The following PARPBP variants were observed in gnomAD, a reference collection of about 807,000 sequenced individuals.
The protein encoded by PARPBP is PARP1 binding protein.
A neutral mutation model predicts 50.0 loss-of-function variants in PARPBP; 52 were observed. The ratio of observed to expected loss-of-function variants is 1.04; its 90% CI spans 0.83 to 1.31. The LOEUF (loss-of-function observed/expected upper bound fraction) is 1.31, where lower values mean the gene tolerates loss of function less well. Ranked by LOEUF, PARPBP falls within the 50% of genes most tolerant of loss-of-function variation. The probability of loss-of-function intolerance (pLI) is 0.00; values close to 1 mark genes in which losing one functional copy is unlikely to be tolerated. For missense variants in PARPBP, 697 were observed against 672.0 expected (o/e 1.04, Z -0.41); for synonymous variants, 244 against 232.1 (o/e 1.05, Z -0.47).
chr12:102,185,082 C>G (rs1366745764), intron 9 of PARPBP, among the ~76,000 whole-genome samples: 1 of 152,080 alleles, frequency 6.6e-6, no homozygotes, highest in African/African-American at 2.4e-5. Context: ...TTTCCTCATT[C>G]TTAAATAGAA....
At position 102,196,715 on chromosome 12, in the gene PARPBP, A is replaced by G. The variant is rs1891341573; in HGVS notation, c.*424A>G. ...TACATCTGAGCACTGAAGGAAGAAGAAAGTTTAAATTGTTTAAAGGACTAT... is the reference window on the plus strand; with the variant it reads ...TACATCTGAGCACTGAAGGAAGAAGGAAGTTTAAATTGTTTAAAGGACTAT... On this transcript the variant is annotated 3_prime_UTR_variant, in exon 11 of 11. Coordinates refer to ENST00000327680, the MANE Select transcript of PARPBP (RefSeq NM_017915.5). 1 of 1,601,994 alleles carries G rather than the reference A, an allele frequency of 6.2e-7. No individual in the cohort carries two copies. The highest frequency in any genetic ancestry group is 2.2e-5 in the East Asian group (1 of 44,764).
Position 102,123,998 on chromosome 12 carries a change from T to C in PARPBP, c.110T>C (p.Met37Thr). Residue 37 changes from methionine (M) to threonine (T), a missense_variant, in exon 2 of 11, where the codon ATG (methionine) becomes ACG (threonine). Coordinates refer to ENST00000327680, the MANE Select transcript of PARPBP (RefSeq NM_017915.5). ...ACTACTCTATGTGGTGCAGACTCCA[T>C]GCTCTTGGCATTGCAGCTTTCTATG... is the stretch of plus-strand genomic sequence containing the variant. ...ERTTLCGADS[M>T]LLALQLSMAE... 7 of 1,535,182 alleles carry C rather than the reference T, an allele frequency of 4.6e-6. No individual in the cohort carries two copies. The highest frequency in any genetic ancestry group is 6.1e-6 in the Non-Finnish European group (7 of 1,146,126).
chr12:102,196,837 TC>T lies in PARPBP; in HGVS notation c.*549del. On this transcript the variant is annotated 3_prime_UTR_variant, in exon 11 of 11. Coordinates refer to ENST00000327680, the MANE Select transcript of PARPBP (RefSeq NM_017915.5). Reference sequence around the variant, plus strand: ...ATAATAATTAATTGTTGCTATTTAATCCCACATTTTTGGCAGGTGTAATTGA... The same window carrying T: ...ATAATAATTAATTGTTGCTATTTAATCCACATTTTTGGCAGGTGTAATTGA... 9.6e-7 allele frequency: 1 copy of T among 1,038,936 alleles called. No individual in the cohort carries two copies. Among genetic ancestry groups the T allele is most frequent in the Non-Finnish European group, 1.5e-6 (1 of 689,100 alleles). The allele number at this position is 1,038,936 out of a possible 1,614,324, so 64.4% of individuals were successfully genotyped here.
At chr12:102,155,308 A>C (rs1297250650) in intron 4 of PARPBP, 1 of 153,458 alleles carries the variant, frequency 6.5e-6, no homozygotes, top group Non-Finnish European at 1.4e-5. Context: ...CAAAACAAAA[A>C]AACCATATAT....
intron 2 of PARPBP, among the ~76,000 whole-genome samples, chr12:102,128,324 C>T (rs1040508223): frequency 5.9e-5 from 9 of 152,134 alleles, no homozygotes; most frequent in Admixed American, 2.0e-4. Context: ...CTCCCCCTCC[C>T]GGGTTCACGC....
Position 102,182,614 on chromosome 12 carries a change from AG to A in PARPBP, c.1251del (p.Ile420LeufsTer3). ...GAACGCATCTGTGTGTCAATGCAAG[AG>A]AAAAAAATTAAGGTACAATTTAATG... ...LRERICVSMQ[E>X]KKIKMKQTLI... On this transcript the variant is annotated frameshift_variant, in exon 9 of 11. Transcript: ENST00000327680. LOFTEE classifies it high-confidence loss of function. The A allele has an allele frequency of 6.2e-7, 1 of 1,609,112 alleles. No homozygotes were observed. The highest frequency in any genetic ancestry group is 8.5e-7 in the Non-Finnish European group (1 of 1,176,054).
intron 9 of PARPBP, among the ~76,000 whole-genome samples, chr12:102,194,793 C>T (rs903306987): frequency 1.3e-5 from 2 of 151,590 alleles, no homozygotes; most frequent in Non-Finnish European, 3.0e-5. Context: ...TTTTATCTTG[C>T]AGTTTCTTTG....
chr12:102,131,312 G>A (rs543283704), intron 2 of PARPBP, among the ~76,000 whole-genome samples: 21 of 152,342 alleles, frequency 1.4e-4, no homozygotes, highest in East Asian at 5.8e-4. Context: ...GTGATGGAGC[G>A]AGACTCTGTC....
chr12:102,159,188 T>A (rs1399009326), intron 4 of PARPBP, among the ~76,000 whole-genome samples: 1 of 152,200 alleles, frequency 6.6e-6, no homozygotes, highest in Admixed American at 6.5e-5. Flanking sequence ...TGGAGTGCAG[T>A]GGTGTGATCT....
In PARPBP at chr12:102,164,566, T is replaced by A; in HGVS notation, c.624T>A (p.Asp208Glu). Residue 208 changes from aspartate (D) to glutamate (E), a missense_variant, in exon 5 of 11, where the codon GAT (aspartate) becomes GAA (glutamate). Asp to Glu is a conservative substitution (Grantham distance 45, BLOSUM62 2). Coordinates refer to ENST00000327680, the MANE Select transcript of PARPBP (RefSeq NM_017915.5). Reference protein sequence around the residue: ...DRGLGREAFTDLKHAAREKQM... With the variant: ...DRGLGREAFTELKHAAREKQM... ...GACTAGGAAGAGAAGCCTTCACTGA[T>A]TTGAAACATGCTGCTCGAGAGAAAC... 6.2e-7 allele frequency: 1 copy of A among 1,613,658 alleles called. No homozygotes were observed.
intron 2 of PARPBP, among the ~76,000 whole-genome samples, chr12:102,128,726 A>G (rs75405038): frequency 0.036 from 5,438 of 152,264 alleles, 389 homozygotes; most frequent in East Asian, 0.29. Flanking sequence ...CCATTCATCC[A>G]TTGATGGATA....
intron 2 of PARPBP, among the ~76,000 whole-genome samples, chr12:102,147,817 AAT>A (rs1464468006): frequency 1.3e-5 from 2 of 152,172 alleles, no homozygotes; most frequent in Non-Finnish European, 2.9e-5. Context: ...GAGAATTTTA[AAT>A]ACGAGATTAA....
At position 102,136,835 on chromosome 12, in the gene PARPBP, A is replaced by G. The variant is rs116989219; in HGVS notation, c.154-11395A>G. Among the ~76,000 whole-genome samples, 1,045 of 152,316 alleles carry G rather than the reference A, an allele frequency of 6.9e-3. 5 individuals carry two copies. Among genetic ancestry groups the G allele is most frequent in the Non-Finnish European group, 0.01 (704 of 68,024 alleles). Reference sequence around the variant, plus strand: ...GTCTGCGGGTGCATTCGTGAGTAGCATATAGTAATTAAAAGTAGATAGAGT... The same window carrying G: ...GTCTGCGGGTGCATTCGTGAGTAGCGTATAGTAATTAAAAGTAGATAGAGT... On this transcript the variant is annotated intron_variant, in intron 2 of 10. Transcript: ENST00000327680.
chr12:102,190,520 T>A lies in PARPBP; in HGVS notation c.1264-4792T>A, dbSNP rs554494782. On this transcript the variant is annotated intron_variant, in intron 9 of 10. Transcript: ENST00000327680. ...CTCTGAAGAATACTCTGCCAGTAGG[T>A]CTGTCTACCCCACAGCCCATCACCC... 2.2e-4 allele frequency among the ~76,000 whole-genome samples: 33 copies of A among 152,236 alleles called. 1 individual carries two copies. The South Asian group carries it at 6.8e-3, about 32-fold the overall frequency.
At chr12:102,124,575 G>A (rs1275847169) in intron 2 of PARPBP, among the ~76,000 whole-genome samples, 1 of 152,182 alleles carries the variant, frequency 6.6e-6, no homozygotes, top group East Asian at 1.9e-4. Flanking sequence ...AGAGTGGTAA[G>A]GAAAGGCTTT....
chr12:102,151,958 T>A (rs1406680675), intron 3 of PARPBP: 8 of 604,284 alleles, frequency 1.3e-5, no homozygotes, highest in Non-Finnish European at 2.0e-5. Context: ...CTCAGAGAAA[T>A]GCTTTTTTTG....
chr12:102,175,152 T>C (rs1361014675), intron 6 of PARPBP, among the ~76,000 whole-genome samples: 1 of 152,232 alleles, frequency 6.6e-6, no homozygotes. Context: ...GTTCTTGTTA[T>C]TTTAGTTGTA....
At chr12:102,136,951 T>G (rs539666705) in intron 2 of PARPBP, among the ~76,000 whole-genome samples, 9 of 152,192 alleles carry the variant, frequency 5.9e-5, no homozygotes, top group South Asian at 4.1e-4. Context: ...TTTGTGTTTT[T>G]TTTGTTTGTT....
chr12:102,151,950 C>G, intron 3 of PARPBP: 1 of 608,868 alleles, frequency 1.6e-6, no homozygotes, highest in Non-Finnish European at 2.9e-6. Flanking sequence ...CCAGGCATCT[C>G]AGAGAAATGC....
Sources: allele counts gnomAD v4.1 joint callset (sites outside exome capture counted in the v4.1 genomes callset), GRCh38; gene constraint gnomAD v4.1.1; transcripts MANE v1.5; gene names NCBI Gene and HGNC (gene_info 2026-07-23, HGNC 2026-07-21).